The following LDLRAD4 variants were observed in gnomAD, a reference collection of about 807,000 sequenced individuals.
LDLRAD4 encodes the protein low density lipoprotein receptor class A domain containing 4.
LDLRAD4 carries 5 observed loss-of-function variants against 17.0 expected under a neutral mutation model. The ratio of observed to expected loss-of-function variants is 0.29; its 90% CI spans 0.15 to 0.62. LDLRAD4 has a LOEUF of 0.62. LDLRAD4 is among the 20% of genes least tolerant of loss of function. The pLI is 0.84. For synonymous variants in LDLRAD4, 168 were observed against 171.8 expected (o/e 0.98, Z 0.17); for missense variants, 340 against 424.7 (o/e 0.80, Z 1.75).
chr18:13,324,464 G>A (rs2081414349), intron 1 of LDLRAD4, among the ~76,000 whole-genome samples: 1 of 152,090 alleles, frequency 6.6e-6, no homozygotes, highest in East Asian at 1.9e-4. Flanking sequence ...TTTTTGACAA[G>A]GTTCTGAAAT....
chr18:13,306,461 T>TCA (rs758766903), intron 1 of LDLRAD4, among the ~76,000 whole-genome samples: 8 of 152,100 alleles, frequency 5.3e-5, no homozygotes, highest in African/African-American at 1.2e-4. Flanking sequence ...CCCCATGAGT[T>TCA]CAACACTGAA....
chr18:13,275,387 C>T (rs1232000855), upstream of LDLRAD4, among the ~76,000 whole-genome samples: 1 of 152,216 alleles, frequency 6.6e-6, no homozygotes, highest in Non-Finnish European at 1.5e-5. Context: ...GTTGTGTGTT[C>T]ATTCTTTTGG....
intron 1 of LDLRAD4, among the ~76,000 whole-genome samples, chr18:13,307,363 C>G (rs1361660025): frequency 6.6e-6 from 1 of 152,102 alleles, no homozygotes; most frequent in East Asian, 1.9e-4. Flanking sequence ...TGGTTCACTT[C>G]CACTTACTGA....
chr18:13,480,407 G>C (rs973059490), intron 3 of LDLRAD4, among the ~76,000 whole-genome samples: 1 of 152,204 alleles, frequency 6.6e-6, no homozygotes, highest in Non-Finnish European at 1.5e-5. Context: ...CCAGGGTAGC[G>C]GGGAGGGAGG....
At chr18:13,629,180 A>T (rs903150028) in intron 4 of LDLRAD4, among the ~76,000 whole-genome samples, 5 of 152,168 alleles carry the variant, frequency 3.3e-5, no homozygotes, top group Non-Finnish European at 7.4e-5. Flanking sequence ...GAAATTTTTT[A>T]AAAGCTTCTC....
chr18:13,331,915 G>A (rs750280215), intron 1 of LDLRAD4, among the ~76,000 whole-genome samples: 65 of 152,264 alleles, frequency 4.3e-4, no homozygotes, highest in Non-Finnish European at 8.5e-4. Flanking sequence ...TGCCCAGACT[G>A]GTCTTGAACT....
chr18:13,599,025 G>C (rs961542968), intron 3 of LDLRAD4, among the ~76,000 whole-genome samples: 2 of 152,204 alleles, frequency 1.3e-5, no homozygotes, highest in Non-Finnish European at 2.9e-5. Flanking sequence ...CCCTAAGAGT[G>C]GGGGTGAGGA....
intron 1 of LDLRAD4, among the ~76,000 whole-genome samples, chr18:13,256,423 T>C (rs779441176): frequency 6.6e-6 from 1 of 152,220 alleles, no homozygotes; most frequent in Non-Finnish European, 1.5e-5. Context: ...AGCCTCAGCC[T>C]TGGACCCCAT....
At chr18:13,591,418 GTGTGTGTGTGTGTC>G (rs951078550) in intron 3 of LDLRAD4, among the ~76,000 whole-genome samples, 1 of 38,124 alleles carries the variant, frequency 2.6e-5, no homozygotes, top group African/African-American at 9.6e-5. Context: ...GTGTGTGTAT[GTGTGTGTGTGTGTC>G]TGTGTGTGTG....
chr18:13,651,838 T>G (rs186871125), exon 6 of LDLRAD4: 19 of 152,326 alleles, frequency 1.2e-4, no homozygotes, highest in Non-Finnish European at 2.6e-4. Flanking sequence ...GTTCTGACTT[T>G]GAAAATGTCA....
intron 1 of LDLRAD4, among the ~76,000 whole-genome samples, chr18:13,252,881 A>T (rs1160233209): frequency 6.6e-6 from 1 of 152,160 alleles, no homozygotes; most frequent in Non-Finnish European, 1.5e-5. Context: ...GTGTCCTTGT[A>T]GTCTCGTTAG....
chr18:13,233,487 C>T (rs915485925), intron 1 of LDLRAD4, among the ~76,000 whole-genome samples: 3 of 152,142 alleles, frequency 2.0e-5, no homozygotes, highest in Admixed American at 2.0e-4. Context: ...GTCGCTGTCT[C>T]TGGTGCTCCT....
intron 3 of LDLRAD4, among the ~76,000 whole-genome samples, chr18:13,534,180 T>G (rs2094169613): frequency 6.6e-6 from 1 of 152,238 alleles, no homozygotes; most frequent in South Asian, 2.1e-4. Context: ...CTATCTGCAC[T>G]TCCCTGTAAC....
At chr18:13,318,709 C>T (rs1265350238) in intron 1 of LDLRAD4, among the ~76,000 whole-genome samples, 2 of 152,112 alleles carry the variant, frequency 1.3e-5, no homozygotes, top group Admixed American at 1.3e-4. Flanking sequence ...AGCCAGTGGA[C>T]GGGAGGTGGC....
intron 3 of LDLRAD4, among the ~76,000 whole-genome samples, chr18:13,494,740 A>AAT (rs2093431278): frequency 8.2e-5 from 12 of 146,032 alleles, no homozygotes; most frequent in African/African-American, 3.0e-4. Flanking sequence ...AATAAATGAC[A>AAT]CAGTGGGAAT....
intron 2 of LDLRAD4, among the ~76,000 whole-genome samples, chr18:13,430,947 A>C (rs2146031607): frequency 6.6e-6 from 1 of 152,316 alleles, no homozygotes; most frequent in East Asian, 1.9e-4. Context: ...AATGTGTCTG[A>C]AGTACCATTG....
chr18:13,454,718 A>G (rs1600436139), intron 3 of LDLRAD4, among the ~76,000 whole-genome samples: 1 of 152,168 alleles, frequency 6.6e-6, no homozygotes, highest in Admixed American at 6.5e-5. Context: ...GCACAGGCAC[A>G]GATGAGCTGG....
chr18:13,405,667 G>A (rs2087667687), intron 2 of LDLRAD4, among the ~76,000 whole-genome samples: 3 of 148,746 alleles, frequency 2.0e-5, no homozygotes, highest in Admixed American at 1.4e-4. Flanking sequence ...TGAACTCCTA[G>A]CCTTAAGCAG....
At chr18:13,602,470 T>C (rs2095174494) in intron 3 of LDLRAD4, among the ~76,000 whole-genome samples, 1 of 150,592 alleles carries the variant, frequency 6.6e-6, no homozygotes. Flanking sequence ...TTATCAGACA[T>C]CATTCTTAAA....
Sources: allele counts gnomAD v4.1 joint callset (sites outside exome capture counted in the v4.1 genomes callset), GRCh38; gene constraint gnomAD v4.1.1; transcripts MANE v1.5; gene names NCBI Gene and HGNC (gene_info 2026-07-23, HGNC 2026-07-21).